The following DUSP4 variants were observed in gnomAD, a reference collection of about 807,000 sequenced individuals.
The protein encoded by DUSP4 is dual specificity phosphatase 4, also known as dual specificity protein phosphatase 4.
In DUSP4, 12 loss-of-function variants were observed where a neutral mutation model predicts 27.2. That is an observed-to-expected ratio of 0.44 (90% CI 0.28 to 0.71). The LOEUF (loss-of-function observed/expected upper bound fraction) is 0.71, where lower values mean the gene tolerates loss of function less well. Ranked by LOEUF, DUSP4 falls within the 30% of genes least tolerant of loss-of-function variation. The pLI, the probability that DUSP4 is intolerant of heterozygous loss-of-function variation, is 0.14. For synonymous variants in DUSP4, 257 were observed against 245.2 expected (o/e 1.05, Z -0.45); for missense variants, 448 against 551.3 (o/e 0.81, Z 1.88).
In DUSP4 at chr8:29,345,505, C is replaced by T. The variant is rs767921072; in HGVS notation, c.433+4341G>A. Reference sequence around the variant, plus strand: ...CTGCTATGTTCAGCAAACTGGCTTCCGTTGGAGTGAACTTTTCTTCCCATC... The same window carrying T: ...CTGCTATGTTCAGCAAACTGGCTTCTGTTGGAGTGAACTTTTCTTCCCATC... On this transcript the variant is annotated intron_variant, in intron 1 of 3. Transcript: ENST00000240100. The T allele has an allele frequency of 1.0e-5, 16 of 1,586,410 alleles. No homozygotes were observed. The Admixed American group carries it at 1.5e-4, about 15-fold the overall frequency.
Position 29,337,531 on chromosome 8 carries a change from G to T in DUSP4, c.800-120C>A. ...GGAAGGACTAGCCGTGCTAGACCAAGGACTGGAGAGGAAGAAAACCCATGT... is the reference window on the plus strand; with the variant it reads ...GGAAGGACTAGCCGTGCTAGACCAATGACTGGAGAGGAAGAAAACCCATGT... On this transcript the variant is annotated intron_variant, in intron 3 of 3. Coordinates refer to ENST00000240100, the MANE Select transcript of DUSP4 (RefSeq NM_001394.7). The surrounding 1 kb of genome is among the most constrained non-coding windows in gnomAD (Gnocchi z 6.4). The T allele has an allele frequency of 7.3e-7, 1 of 1,371,916 alleles. No homozygotes were observed. Among genetic ancestry groups the T allele is most frequent in the Non-Finnish European group, 9.7e-7 (1 of 1,030,074 alleles). The allele number at this position is 1,371,916 out of a possible 1,614,324, so 85.0% of individuals were successfully genotyped here. A position where few individuals can be genotyped will look rare whatever the true frequency, so the allele number is the denominator to read the frequency against.
chr8:29,349,712 C>T, intron 1 of DUSP4, 134 bp downstream of exon 1: 1 of 1,285,400 alleles, frequency 7.8e-7, no homozygotes, highest in Non-Finnish European at 1.0e-6. Context: ...CACACCAACA[C>T]ACACAAAGGG....
At chr8:29,343,606 G>A (rs1040958368) in intron 1 of DUSP4, among the ~76,000 whole-genome samples, 8 of 151,996 alleles carry the variant, frequency 5.3e-5, no homozygotes, top group Admixed American at 2.6e-4. Context: ...GACTTTTCAT[G>A]CAAAAACAGA....
At position 29,334,718 on chromosome 8, in the gene DUSP4, C is replaced by G. The variant is rs923119924; in HGVS notation, c.*2308G>C. ...CCCAGGGCTTTTTCAGCTGCAGAACCCACTGGACTTCCAGGAATCAAGGAA... is the reference window on the plus strand; with the variant it reads ...CCCAGGGCTTTTTCAGCTGCAGAACGCACTGGACTTCCAGGAATCAAGGAA... On this transcript the variant is annotated 3_prime_UTR_variant, in exon 4 of 4. Transcript: ENST00000240100. The G allele has an allele frequency of 6.6e-6, 1 of 152,270 alleles. No homozygotes were observed. The highest frequency in any genetic ancestry group is 2.1e-4 in the South Asian group (1 of 4,826). 9.4% of individuals were successfully genotyped at this position (152,270 alleles called of 1,614,324 possible).
Position 29,333,502 on chromosome 8 carries a change from G to C in DUSP4, c.*3524C>G, listed in dbSNP as rs1030184227. Reference sequence around the variant, plus strand: ...GTGCTCCACTCAGGAACTCCCAAGAGAAACCATCTTGTCCCTCAGCCAGGC... The same window carrying C: ...GTGCTCCACTCAGGAACTCCCAAGACAAACCATCTTGTCCCTCAGCCAGGC... On this transcript the variant is annotated 3_prime_UTR_variant, in exon 4 of 4. Transcript: ENST00000240100. The C allele has an allele frequency of 6.6e-6, 1 of 152,276 alleles. No individual in the cohort carries two copies. 9.4% of individuals were successfully genotyped at this position (152,276 alleles called of 1,614,324 possible).
At position 29,340,088 on chromosome 8, in the gene DUSP4, C is replaced by T; in HGVS notation, c.579+10G>A. The T allele has an allele frequency of 6.4e-7, 1 of 1,558,004 alleles. No homozygotes were observed. The highest frequency in any genetic ancestry group is 8.7e-7 in the Non-Finnish European group (1 of 1,150,886). ...GCCCCCCACTTCCAAGCCCTGCCCC[C>T]CGAGTCTACCTGGTCGTGTAGTGGG... On this transcript the variant is annotated intron_variant, in intron 2 of 3. Transcript: ENST00000240100.
chr8:29,350,313 G>A lies in DUSP4; in HGVS notation c.-35C>T, dbSNP rs1563865228. On this transcript the variant is annotated 5_prime_UTR_variant, in exon 1 of 4. Coordinates refer to ENST00000240100, the MANE Select transcript of DUSP4 (RefSeq NM_001394.7). ...GAACCGAGGCGGCTGGGCGCGCGAG[G>A]AAGAGAAGAGAACCCGGGCCGCCTA... 3.9e-6 allele frequency: 6 copies of A among 1,544,466 alleles called. No homozygotes were observed. The highest frequency in any genetic ancestry group is 4.4e-6 in the Non-Finnish European group (5 of 1,148,312).
At chr8:29,349,802 C>T (rs1817794662) in intron 1 of DUSP4, 44 bp downstream of exon 1, 2 of 1,455,714 alleles carry the variant, frequency 1.4e-6, no homozygotes, top group Non-Finnish European at 1.8e-6. Flanking sequence ...CCAAGACCCC[C>T]TCCATCTCCC....
chr8:29,345,941 A>ATATTTGCAAGCAGAAAGGCTATTT (rs148467060), intron 1 of DUSP4: 382,627 of 987,874 alleles, frequency 0.39, 78,991 homozygotes, highest in African/African-American at 0.74. Flanking sequence ...AGAAACTACC[A>ATATTTGCAAGCAGAAAGGCTATTT]TATTTGCAAG....
At chr8:29,343,029 G>A (rs531302892) in intron 1 of DUSP4, among the ~76,000 whole-genome samples, 64 of 152,160 alleles carry the variant, frequency 4.2e-4, no homozygotes, top group Non-Finnish European at 6.5e-4. Context: ...TTAGCCGGGC[G>A]TGGTGGCGGG....
At chr8:29,346,179 G>C (rs1817732592) in intron 1 of DUSP4, 1 of 664,568 alleles carries the variant, frequency 1.5e-6, no homozygotes. Context: ...GTTTTCTACA[G>C]AAAGGGTAAT....
chr8:29,343,459 C>G (rs1486842167), intron 1 of DUSP4, among the ~76,000 whole-genome samples: 1 of 152,174 alleles, frequency 6.6e-6, no homozygotes, highest in Admixed American at 6.5e-5. Flanking sequence ...GAAGAAGCTG[C>G]TCAAGTCCAC....
At chr8:29,341,502 G>A (rs1024989226) in intron 1 of DUSP4, among the ~76,000 whole-genome samples, 7 of 152,270 alleles carry the variant, frequency 4.6e-5, no homozygotes, top group African/African-American at 9.6e-5. Flanking sequence ...CTCTCTGACC[G>A]GAGGCTTCTC....
chr8:29,344,125 G>A (rs554270925), intron 1 of DUSP4, among the ~76,000 whole-genome samples: 2 of 152,328 alleles, frequency 1.3e-5, no homozygotes, highest in South Asian at 4.1e-4. Flanking sequence ...GGACAAGTAT[G>A]TTCCCTCCTC....
At chr8:29,338,621 G>T in intron 2 of DUSP4, 120 bp from the exon 3 acceptor site, 1 of 1,162,972 alleles carries the variant, frequency 8.6e-7, no homozygotes, top group Non-Finnish European at 1.2e-6. Flanking sequence ...TGCCTGCTGG[G>T]CCTGGCCCTC....
In DUSP4 at chr8:29,333,472, G is replaced by C. The variant is rs753464200; in HGVS notation, c.*3554C>G. 6 of 152,220 alleles carry C rather than the reference G, an allele frequency of 3.9e-5. No homozygotes were observed. The highest frequency in any genetic ancestry group is 5.9e-5 in the Non-Finnish European group (4 of 68,048). 9.4% of individuals were successfully genotyped at this position (152,220 alleles called of 1,614,324 possible). ...GATCAGCTGGCTTTCAAAAAGCCTG[G>C]AAGGGTGCTCCACTCAGGAACTCCC... On this transcript the variant is annotated 3_prime_UTR_variant, in exon 4 of 4. Transcript: ENST00000240100.
At position 29,337,600 on chromosome 8, in the gene DUSP4, C is replaced by A. The variant is rs540275706; in HGVS notation, c.800-189G>T. Among the ~76,000 whole-genome samples, 2 of 152,188 alleles carry A rather than the reference C, an allele frequency of 1.3e-5. No homozygotes were observed. Among genetic ancestry groups the A allele is most frequent in the Non-Finnish European group, 2.9e-5 (2 of 68,038 alleles). On this transcript the variant is annotated intron_variant, in intron 3 of 3. Transcript: ENST00000240100. The surrounding 1 kb of genome is among the most constrained non-coding windows in gnomAD (Gnocchi z 6.4). ...CCCCCAATTCTGAGGTCTATTTTCC[C>A]GAATCACTATGCTGAAGCTGGTTAA... is the stretch of plus-strand genomic sequence containing the variant.
At position 29,350,544 on chromosome 8, in the gene DUSP4, T is replaced by A. The variant is rs1423548783; in HGVS notation, c.-266A>T. ...AGGGGGAGGCGCCGGTGGAGGAGAG[T>A]GTGTTTACGAGAGAGGACCGCGGAC... is the stretch of plus-strand genomic sequence containing the variant. On this transcript the variant is annotated 5_prime_UTR_variant, in exon 1 of 4. Coordinates refer to ENST00000240100, the MANE Select transcript of DUSP4 (RefSeq NM_001394.7). 1 of 498,412 alleles carries A rather than the reference T, an allele frequency of 2.0e-6. No individual in the cohort carries two copies. Among genetic ancestry groups the A allele is most frequent in the Non-Finnish European group, 3.5e-6 (1 of 285,172 alleles). The allele number at this position is 498,412 out of a possible 1,614,324, so 30.9% of individuals were successfully genotyped here. A position where few individuals can be genotyped will look rare whatever the true frequency, so the allele number is the denominator to read the frequency against.
In DUSP4 at chr8:29,333,714, T is replaced by C. The variant is rs10100468; in HGVS notation, c.*3312A>G. ...GGGAGCTACGAAACACACTGATGCC[T>C]GAGTCCCCCACCTAGAATTGGTTGA... On this transcript the variant is annotated 3_prime_UTR_variant, in exon 4 of 4. Transcript: ENST00000240100. The C allele has an allele frequency of 0.092, 14,055 of 152,300 alleles. 1,008 individuals carry two copies. The highest frequency in any genetic ancestry group is 0.19 in the African/African-American group (7,895 of 41,500). 9.4% of individuals were successfully genotyped at this position (152,300 alleles called of 1,614,324 possible). A position where few individuals can be genotyped will look rare whatever the true frequency, so the allele number is the denominator to read the frequency against.
Sources: gnomAD v4.1 joint callset for allele counts (sites outside exome capture counted in the v4.1 genomes callset) on GRCh38, gnomAD v4.1.1 for gene constraint, Gnocchi (gnomAD v3.1) non-coding constraint, MANE v1.5 for transcripts, NCBI Gene and HGNC (gene_info 2026-07-23, HGNC 2026-07-21) for gene names.